The following TLE2 variants were observed in gnomAD, a reference collection of about 807,000 sequenced individuals.
The protein encoded by TLE2 is transducin-like enhancer protein 2.
TLE2 carries 74 observed loss-of-function variants against 97.2 expected under a neutral mutation model. That is an observed-to-expected ratio of 0.76 (90% CI 0.63 to 0.92). The LOEUF is 0.92. Ranked by LOEUF, TLE2 falls within the 40% of genes least tolerant of loss-of-function variation. The pLI is 0.00. For synonymous variants in TLE2, 499 were observed against 432.1 expected, an observed-to-expected ratio of 1.15 and a Z score of -1.92; for missense variants, 1,038 against 1,008.7, an observed-to-expected ratio of 1.03 and a Z score of -0.39.
intron 1 of TLE2, among the ~76,000 whole-genome samples, chr19:3,044,940 G>A (rs984556913): frequency 6.6e-6 from 1 of 152,198 alleles, no homozygotes; most frequent in African/African-American, 2.4e-5. Flanking sequence ...AGGGAAAGCC[G>A]GGCGCGGTGG....
At chr19:3,009,768 G>T in intron 12 of TLE2, 66 bp from the exon 13 acceptor site, 1 of 1,530,470 alleles carries the variant, frequency 6.5e-7, no homozygotes, top group South Asian at 1.2e-5. Flanking sequence ...CCACTGCCTT[G>T]GGAGCTCCCT....
rs185048550 is a variant in TLE2, at chr19:3,038,997, C to T, written c.63+6729G>A. On this transcript the variant is annotated intron_variant, in intron 1 of 18. Coordinates refer to the TLE2 transcript ENST00000426948. The stretch of plus-strand genomic sequence containing the variant: ...GGCGGAGGTTGCAGTGAGCTGAGAT[C>T]GCACCATTGCACTCCAGCCTGGGCA... Among the ~76,000 whole-genome samples, 14 of 151,322 alleles carry T rather than the reference C, an allele frequency of 9.3e-5. No individual in the cohort carries two copies. The East Asian group carries it at 2.7e-3, about 30-fold the overall frequency.
At chr19:3,025,263 G>C (rs918526369) in intron 4 of TLE2, 181 bp from the exon 5 acceptor site, 16 of 1,115,058 alleles carry the variant, frequency 1.4e-5, no homozygotes, top group Non-Finnish European at 1.8e-5. Flanking sequence ...GCCCCACCAG[G>C]CTGCGTGCTC....
At chr19:3,036,403 C>G (rs999004583) in intron 1 of TLE2, among the ~76,000 whole-genome samples, 1 of 152,234 alleles carries the variant, frequency 6.6e-6, no homozygotes, top group African/African-American at 2.4e-5. Context: ...CCCGGCCCGG[C>G]GCGGTATAAT....
At chr19:3,020,958 G>T (rs932353850) in intron 5 of TLE2, among the ~76,000 whole-genome samples, 6 of 151,470 alleles carry the variant, frequency 4.0e-5, no homozygotes, top group Admixed American at 6.6e-5. Context: ...ACGTGGCGGC[G>T]GGTGCCTATA....
At chr19:3,041,023 T>G (rs1345388903) in intron 1 of TLE2, among the ~76,000 whole-genome samples, 1 of 79,084 alleles carries the variant, frequency 1.3e-5, no homozygotes, top group Non-Finnish European at 2.8e-5. Context: ...ATTTTTTTTT[T>G]TTTTTTTTTT....
At chr19:3,017,979 A>T in intron 7 of TLE2, 120 bp from the exon 8 acceptor site, 1 of 691,212 alleles carries the variant, frequency 1.4e-6, no homozygotes, top group Non-Finnish European at 2.3e-6. Flanking sequence ...CACCCCACTC[A>T]GAGTCTCTCT....
upstream of TLE2, chr19:3,047,508 A>ACCG (rs2090153554): frequency 6.9e-6 from 1 of 144,832 alleles, no homozygotes; most frequent in African/African-American, 2.6e-5. Flanking sequence ...CGGGCTTGTG[A>ACCG]CCCCCCCCCA....
chr19:3,029,297 AGCCGCCTTAAGGTGGCGCC>A (rs1411272742), upstream of TLE2: 1 of 196,794 alleles, frequency 5.1e-6, no homozygotes, highest in African/African-American at 2.5e-5. Flanking sequence ...CCGCGGGCTG[AGCCGCCTTAAGGTGGCGCC>A]GCCGCCCCCA....
intron 14 of TLE2, among the ~76,000 whole-genome samples, chr19:3,006,913 G>C (rs1390164089): frequency 6.6e-6 from 1 of 152,136 alleles, no homozygotes; most frequent in East Asian, 1.9e-4. Flanking sequence ...CTCCCGAGTA[G>C]CTGGGATTAC....
In TLE2 at chr19:3,015,655, A is replaced by C. The variant is rs1472727106; in HGVS notation, c.676T>G (p.Tyr226Asp). Reference sequence around the variant, plus strand: ...GTCCTGCACCTGCCCCCACTCACATAAGGTCCTGATGGCTCCTTCTCATCT... The same window carrying C: ...GTCCTGCACCTGCCCCCACTCACATCAGGTCCTGATGGCTCCTTCTCATCT... ...RADEKEPSGP[Y>D]ESDEDKSDYN... The change falls in exon 9 of 20, where the codon TAT (tyrosine) becomes GAT (aspartate). Residue 226 changes from tyrosine to aspartate, a missense_variant and splice_region_variant. By Grantham distance (160) the Tyr-to-Asp change is radical. Coordinates refer to ENST00000262953, the MANE Select transcript of TLE2 (RefSeq NM_003260.5). The C allele has an allele frequency of 1.9e-6, 3 of 1,606,338 alleles. No homozygotes were observed. The highest frequency in any genetic ancestry group is 2.5e-6 in the Non-Finnish European group (3 of 1,177,046).
At chr19:3,031,776 T>C (rs2090026842), upstream of TLE2, among the ~76,000 whole-genome samples, 1 of 152,132 alleles carries the variant, frequency 6.6e-6, no homozygotes, top group Admixed American at 6.6e-5. Context: ...TTGCTTCTTA[T>C]CATTCAAGTC....
intron 5 of TLE2, 150 bp downstream of exon 5, chr19:3,024,870 G>T: frequency 1.5e-6 from 1 of 671,452 alleles, no homozygotes; most frequent in Non-Finnish European, 2.5e-6. Context: ...TGGCCTCAGG[G>T]CTGCGGGACT....
At chr19:3,041,185 C>A (rs1452620787) in intron 1 of TLE2, among the ~76,000 whole-genome samples, 1 of 150,774 alleles carries the variant, frequency 6.6e-6, no homozygotes, top group Non-Finnish European at 1.5e-5. Context: ...TGCCACCACG[C>A]CTGGCTAATT....
At position 3,006,640 on chromosome 19, in the gene TLE2, C is replaced by T. The variant is rs2089485381; in HGVS notation, c.1280G>A (p.Gly427Glu). 1 of 1,608,626 alleles carries T rather than the reference C, an allele frequency of 6.2e-7. No individual in the cohort carries two copies. The highest frequency in any genetic ancestry group is 8.5e-7 in the Non-Finnish European group (1 of 1,177,206). Residue 427 changes from glycine (G) to glutamate (E), a missense_variant, in exon 15 of 20, where the codon GGG becomes GAG. Coordinates refer to ENST00000262953, the MANE Select transcript of TLE2 (RefSeq NM_003260.5). ...GGGGAAGGGAACCGGCTGCATCTGC[C>T]CGTCCGCAGACACGTGGAAGGAGTA... ...PAYSFHVSAD[G>E]QMQPVPFPSD... is the part of the protein sequence containing the mutation.
chr19:3,039,559 C>T (rs2090085360), intron 1 of TLE2, among the ~76,000 whole-genome samples: 1 of 152,180 alleles, frequency 6.6e-6, no homozygotes, highest in Non-Finnish European at 1.5e-5. Flanking sequence ...TAGCTCCCCT[C>T]CTCCTACCTG....
chr19:3,010,766 T>C (rs941152488), intron 12 of TLE2, among the ~76,000 whole-genome samples: 1 of 152,074 alleles, frequency 6.6e-6, no homozygotes, highest in African/African-American at 2.4e-5. Context: ...CCCCAAAGAT[T>C]GTCTTTCCAG....
Position 3,028,333 on chromosome 19 carries a change from G to A in TLE2, c.172C>T (p.Arg58Ter), listed in dbSNP as rs2089980620. The A allele has an allele frequency of 1.2e-6, 2 of 1,609,496 alleles. No homozygotes were observed. Among genetic ancestry groups the A allele is most frequent in the Non-Finnish European group, 1.7e-6 (2 of 1,177,914 alleles). ...AGTGCCCTCACCATGACATAATGTCGCTGCATTTCCGTCTTCTCGCTGGCC... is the reference window on the plus strand; with the variant it reads ...AGTGCCCTCACCATGACATAATGTCACTGCATTTCCGTCTTCTCGCTGGCC... ...KLASEKTEMQ[R>*]HYVMYYEMSY... is the part of the protein sequence containing the mutation. Residue 58 changes from arginine (R) to a stop codon, truncating the protein, a stop_gained, in exon 3 of 20, where the codon CGA becomes TGA. Transcript: ENST00000262953. LOFTEE classifies it high-confidence loss of function.
intron 8 of TLE2, among the ~76,000 whole-genome samples, chr19:3,017,452 C>CTTTTTTTTT (rs529847551): frequency 8.1e-6 from 1 of 123,842 alleles, no homozygotes; most frequent in Non-Finnish European, 1.6e-5. Context: ...TTCTTTCTTT[C>CTTTTTTTTT]TTTTTTTTTT....
Sources: gnomAD v4.1 joint callset for allele counts (sites outside exome capture counted in the v4.1 genomes callset) on GRCh38, gnomAD v4.1.1 for gene constraint, MANE v1.5 for transcripts, NCBI Gene and HGNC (gene_info 2026-07-23, HGNC 2026-07-21) for gene names.